RAB32: variants seen among roughly 807,000 people sequenced by gnomAD.
RAB32 encodes the protein ras-related protein Rab-32.
In RAB32, 17 loss-of-function variants were observed where a neutral mutation model predicts 17.5. That is an observed-to-expected ratio of 0.97 (90% CI 0.67 to 1.46). The LOEUF (loss-of-function observed/expected upper bound fraction) is 1.46, where lower values mean the gene tolerates loss of function less well. Among genes scored for constraint, RAB32 ranks in the 40% most tolerant of loss-of-function variants. The pLI is 0.00. For missense variants in RAB32, 288 were observed against 284.3 expected, an observed-to-expected ratio of 1.01 and a Z score of -0.09; for synonymous variants, 115 against 111.1, an observed-to-expected ratio of 1.04 and a Z score of -0.22.
intron 1 of RAB32, among the ~76,000 whole-genome samples, chr6:146,548,088 A>G (rs1489211490): frequency 1.3e-5 from 2 of 152,214 alleles, no homozygotes; most frequent in Non-Finnish European, 2.9e-5. Flanking sequence ...GTTTTTATAA[A>G]TGTCAGCATT....
Position 146,544,005 on chromosome 6 carries a change from A to G in RAB32, c.134A>G (p.Tyr45Cys), listed in dbSNP as rs1487506777. 1 of 1,613,784 alleles carries G rather than the reference A, an allele frequency of 6.2e-7. No individual in the cohort carries two copies. The highest frequency in any genetic ancestry group is 8.5e-7 in the Non-Finnish European group (1 of 1,179,910). The change falls in exon 1 of 3, where the codon TAC (tyrosine) becomes TGC (cysteine). Residue 45 changes from tyrosine to cysteine, a missense_variant. By Grantham distance (194) the Tyr-to-Cys change is radical. Coordinates refer to ENST00000367495, the MANE Select transcript of RAB32 (RefSeq NM_006834.5). Reference sequence around the variant, plus strand: ...GGCAAGACCAGCATCATCAAGCGCTACGTCCACCAGCTCTTCTCCCAGCAC... The same window carrying G: ...GGCAAGACCAGCATCATCAAGCGCTGCGTCCACCAGCTCTTCTCCCAGCAC... ...GVGKTSIIKR[Y>C]VHQLFSQHYR...
At chr6:146,546,758 A>T (rs1779827073) in intron 1 of RAB32, among the ~76,000 whole-genome samples, 1 of 149,982 alleles carries the variant, frequency 6.7e-6, no homozygotes, top group Admixed American at 6.6e-5. Context: ...AACTAAGTTA[A>T]GGTGTGGTGT....
chr6:146,545,277 A>G (rs1779807323), intron 1 of RAB32, among the ~76,000 whole-genome samples: 1 of 151,994 alleles, frequency 6.6e-6, no homozygotes, highest in African/African-American at 2.4e-5. Context: ...TCTCAGAAAA[A>G]AAAAAAAAAA....
At chr6:146,554,300 C>T (rs905278404) in intron 2 of RAB32, among the ~76,000 whole-genome samples, 156 bp from the exon 3 acceptor site, 1 of 152,116 alleles carries the variant, frequency 6.6e-6, no homozygotes, top group Non-Finnish European at 1.5e-5. Context: ...CTTTAACATT[C>T]AACTCTAAGT....
At chr6:146,553,677 A>C (rs1156652235) in intron 2 of RAB32, among the ~76,000 whole-genome samples, 1 of 152,138 alleles carries the variant, frequency 6.6e-6, no homozygotes, top group Non-Finnish European at 1.5e-5. Context: ...CTGATACAAC[A>C]CTATTATGTA....
chr6:146,550,739 G>A (rs1429961675), intron 2 of RAB32, among the ~76,000 whole-genome samples: 3 of 149,098 alleles, frequency 2.0e-5, no homozygotes, highest in African/African-American at 5.0e-5. Flanking sequence ...GGGGGGTTAC[G>A]TGCATTGGAA....
chr6:146,549,094 A>G (rs980857137), intron 1 of RAB32, among the ~76,000 whole-genome samples: 4 of 152,152 alleles, frequency 2.6e-5, no homozygotes, highest in African/African-American at 9.7e-5. Flanking sequence ...CATTTCTTCT[A>G]TTCTTGTCTC....
chr6:146,550,405 C>T (rs956330790), intron 2 of RAB32, among the ~76,000 whole-genome samples: 1 of 152,064 alleles, frequency 6.6e-6, no homozygotes, highest in Non-Finnish European at 1.5e-5. Context: ...TCCTAGCAGT[C>T]TGGGAGGCCG....
chr6:146,549,699 C>T lies in RAB32; in HGVS notation c.486C>T (p.Cys162=). 6.2e-7 allele frequency: 1 copy of T among 1,614,194 alleles called. No homozygotes were observed. Among genetic ancestry groups the T allele is most frequent in the Non-Finnish European group, 8.5e-7 (1 of 1,180,020 alleles). Residue 162 remains cysteine, a synonymous_variant, in exon 2 of 3, where the codon TGC becomes TGT. Transcript: ENST00000367495. ...SQSPSQVDQF[C]KEHGFAGWFE... is the part of the protein sequence containing the mutation. The stretch of plus-strand genomic sequence containing the variant: ...GTCCTTCCCAGGTGGACCAATTCTG[C>T]AAAGAACATGGCTTTGCCGGATGGT...
intron 1 of RAB32, among the ~76,000 whole-genome samples, chr6:146,545,467 G>GA (rs1318790636): frequency 6.6e-6 from 1 of 152,094 alleles, no homozygotes; most frequent in Non-Finnish European, 1.5e-5. Flanking sequence ...TGGTTGGGGG[G>GA]ATCACAGGTC....
Position 146,544,105 on chromosome 6 carries a change from G to A in RAB32, c.234G>A (p.Gln78=). Residue 78 remains glutamine, a synonymous_variant, in exon 1 of 3, where the codon CAG becomes CAA. Coordinates refer to ENST00000367495, the MANE Select transcript of RAB32 (RefSeq NM_006834.5). ...NWDSRTLVRL[Q]LWDIAGQERF... ...ACAGCAGGACTCTGGTGCGCCTGCAGCTGTGGGACATCGCGGGTAAGCGCG... is the reference window on the plus strand; with the variant it reads ...ACAGCAGGACTCTGGTGCGCCTGCAACTGTGGGACATCGCGGGTAAGCGCG... 1 of 1,612,022 alleles carries A rather than the reference G, an allele frequency of 6.2e-7. No individual in the cohort carries two copies. Among genetic ancestry groups the A allele is most frequent in the South Asian group, 1.1e-5 (1 of 90,968 alleles).
intron 2 of RAB32, among the ~76,000 whole-genome samples, chr6:146,550,655 T>G (rs1779884960): frequency 2.0e-5 from 1 of 48,912 alleles, no homozygotes; most frequent in Non-Finnish European, 4.2e-5. Flanking sequence ...AGACCCCATC[T>G]CAAAAAAAAA....
intron 1 of RAB32, among the ~76,000 whole-genome samples, chr6:146,548,027 A>G (rs763884610): frequency 1.3e-5 from 2 of 152,194 alleles, no homozygotes; most frequent in Non-Finnish European, 2.9e-5. Context: ...ATTTCAATGC[A>G]TATAGTCTTT....
At chr6:146,546,782 GTTTTT>G (rs962778741) in intron 1 of RAB32, among the ~76,000 whole-genome samples, 1 of 118,518 alleles carries the variant, frequency 8.4e-6, no homozygotes, top group Non-Finnish European at 1.7e-5. Context: ...TACTAGTTAG[GTTTTT>G]TTTTTTTTTT....
In RAB32 at chr6:146,549,554, T is replaced by G; in HGVS notation, c.341T>G (p.Phe114Cys). The change falls in exon 2 of 3, where the codon TTT becomes TGT. Residue 114 changes from phenylalanine (F) to cysteine (C), a missense_variant. Coordinates refer to ENST00000367495, the MANE Select transcript of RAB32 (RefSeq NM_006834.5). The stretch of plus-strand genomic sequence containing the variant: ...TTTGATATATCAAGAAGTTCCACAT[T>G]TGAGGCAGTCTTAAAATGGAAAAGT... Reference protein sequence around the residue: ...VVFDISRSSTFEAVLKWKSDL... With the variant: ...VVFDISRSSTCEAVLKWKSDL... 5 of 1,614,190 alleles carry G rather than the reference T, an allele frequency of 3.1e-6. No homozygotes were observed. Among genetic ancestry groups the G allele is most frequent in the Non-Finnish European group, 4.2e-6 (5 of 1,180,002 alleles).
Position 146,547,103 on chromosome 6 carries a change from G to A in RAB32, c.251-2361G>A, listed in dbSNP as rs1396694422. The stretch of plus-strand genomic sequence containing the variant: ...TAGGACTGCTGCTCAAAACATAACT[G>A]AAATATACTAAAATCTTGAAGTCTT... On this transcript the variant is annotated intron_variant, in intron 1 of 2. Transcript: ENST00000367495. 1.3e-5 allele frequency among the ~76,000 whole-genome samples: 2 copies of A among 151,988 alleles called. 1 individual carries two copies.
At chr6:146,550,628 G>A (rs1779884740) in intron 2 of RAB32, among the ~76,000 whole-genome samples, 1 of 142,158 alleles carries the variant, frequency 7.0e-6, no homozygotes, top group South Asian at 2.3e-4. Flanking sequence ...CTGCACTCCA[G>A]CCTGGGTGAC....
intron 1 of RAB32, among the ~76,000 whole-genome samples, chr6:146,545,507 T>G (rs1288190416): frequency 6.6e-6 from 1 of 152,188 alleles, no homozygotes; most frequent in Non-Finnish European, 1.5e-5. Context: ...AGTGCTCTTG[T>G]CATTTATAGC....
At chr6:146,553,601 G>A (rs1779923253) in intron 2 of RAB32, among the ~76,000 whole-genome samples, 1 of 152,142 alleles carries the variant, frequency 6.6e-6, no homozygotes, top group Admixed American at 6.5e-5. Context: ...TATAGCTTAT[G>A]ATCCTGGATC....
Sources: gnomAD v4.1 joint callset for allele counts (sites outside exome capture counted in the v4.1 genomes callset) on GRCh38, gnomAD v4.1.1 for gene constraint, MANE v1.5 for transcripts, NCBI Gene and HGNC (gene_info 2026-07-23, HGNC 2026-07-21) for gene names.